Variants in RBM19 observed in about 807,000 individuals in gnomAD.
RBM19 encodes the protein RNA binding motif protein 19.
In RBM19, 94 loss-of-function variants were observed where a neutral mutation model predicts 116.8. That is an observed-to-expected ratio of 0.80 (90% confidence interval 0.68 to 0.95). RBM19 has a LOEUF of 0.95. RBM19 is among the 40% of genes least tolerant of loss of function. The pLI, the probability that RBM19 is intolerant of heterozygous loss-of-function variation, is 0.00. For synonymous variants in RBM19, 475 were observed against 494.1 expected (o/e 0.96, Z 0.51); for missense variants, 1,161 against 1,220.7 (o/e 0.95, Z 0.73).
intron 21 of RBM19, among the ~76,000 whole-genome samples, chr12:113,871,785 G>C (rs1170615107): frequency 6.6e-6 from 1 of 152,122 alleles, no homozygotes; most frequent in Non-Finnish European, 1.5e-5. Context: ...GCACTGGTTA[G>C]AAAAGGCACT....
At chr12:113,892,817 T>C (rs1881048612) in intron 21 of RBM19, among the ~76,000 whole-genome samples, 1 of 152,192 alleles carries the variant, frequency 6.6e-6, no homozygotes, top group Non-Finnish European at 1.5e-5. Flanking sequence ...TGTCTTATTT[T>C]GAAGAAATAT....
chr12:113,918,318 C>T (rs2135859651), intron 20 of RBM19, 74 bp downstream of exon 20: 1 of 1,445,312 alleles, frequency 6.9e-7, no homozygotes, highest in Non-Finnish European at 9.7e-7. Flanking sequence ...TGTGAGACAG[C>T]CTCCAGGGTG....
rs1386219011 is a variant in RBM19, at chr12:113,960,122, A to G, written c.276T>C (p.His92=). The change falls in exon 3 of 24, where the codon CAT becomes CAC. Residue 92 remains histidine, a synonymous_variant. Coordinates refer to ENST00000261741, the MANE Select transcript of RBM19 (RefSeq NM_016196.4). ...DPAKPRAWSK[H]AQKPSQPKQP... The stretch of plus-strand genomic sequence containing the variant: ...GCTTGGGCTGGCTTGGTTTCTGGGC[A>G]TGTTTGCTCCAGGCTCTGGGTTTGG... The G allele has an allele frequency of 1.2e-6, 2 of 1,614,060 alleles. No individual in the cohort carries two copies. Among genetic ancestry groups the G allele is most frequent in the Non-Finnish European group, 8.5e-7 (1 of 1,180,042 alleles).
At chr12:113,921,233 A>T (rs753466389) in intron 18 of RBM19, among the ~76,000 whole-genome samples, 1 of 152,230 alleles carries the variant, frequency 6.6e-6, no homozygotes, top group Non-Finnish European at 1.5e-5. Flanking sequence ...AAGTAGCAAG[A>T]GTTCAGATAG....
At chr12:113,929,342 T>C (rs1180710685) in intron 16 of RBM19, among the ~76,000 whole-genome samples, 1 of 152,188 alleles carries the variant, frequency 6.6e-6, no homozygotes, top group Non-Finnish European at 1.5e-5. Context: ...GATAATGCTG[T>C]CTCTTTAACA....
chr12:113,877,153 T>C (rs1593521209), intron 21 of RBM19, among the ~76,000 whole-genome samples: 1 of 152,218 alleles, frequency 6.6e-6, no homozygotes, highest in Admixed American at 6.5e-5. Context: ...TTCTCTAGGG[T>C]GTGGAGGTGA....
At position 113,830,849 on chromosome 12, in the gene RBM19, G is replaced by A. The variant is rs571222554; in HGVS notation, c.2786-7528C>T. Among the ~76,000 whole-genome samples the A allele has an allele frequency of 5.9e-5, 9 of 152,302 alleles. No homozygotes were observed. The East Asian group carries it at 1.5e-3, about 26-fold the overall frequency. ...TTTCTTTTGGCATAGGCCCTGGGTT[G>A]GAAAGCAGAGGCTGAAAGGGAGCAG... On this transcript the variant is annotated intron_variant, in intron 23 of 23. Transcript: ENST00000261741.
chr12:113,922,248 C>A (rs373274403), intron 18 of RBM19, among the ~76,000 whole-genome samples: 1 of 152,166 alleles, frequency 6.6e-6, no homozygotes, highest in African/African-American at 2.4e-5. Context: ...CCCAGCCACA[C>A]GTCGGCCCCT....
rs1349573471 is a variant in RBM19, at chr12:113,903,282, A to C, written c.2558+11687T>G. On this transcript the variant is annotated intron_variant, in intron 21 of 23. Transcript: ENST00000261741. The surrounding 1 kb of genome is among the most constrained non-coding windows in gnomAD (Gnocchi z 5.1). ...ACCCACAGATACAGAATCATAGGAT[A>C]CGTGGCCTTTCGTGTCTGGCTTCTT... is the stretch of plus-strand genomic sequence containing the variant. Among the ~76,000 whole-genome samples, 1 of 152,234 alleles carries C rather than the reference A, an allele frequency of 6.6e-6. No homozygotes were observed. Among genetic ancestry groups the C allele is most frequent in the African/African-American group, 2.4e-5 (1 of 41,468 alleles).
At chr12:113,843,736 T>C (rs1295834256) in intron 23 of RBM19, among the ~76,000 whole-genome samples, 4 of 152,188 alleles carry the variant, frequency 2.6e-5, no homozygotes, top group Admixed American at 2.6e-4. Flanking sequence ...TGCCATACTT[T>C]CCATGTGTCC....
At chr12:113,816,770 G>A (rs2135664595) in exon 25 of RBM19, 1 of 152,220 alleles carries the variant, frequency 6.6e-6, no homozygotes, top group African/African-American at 2.4e-5. Context: ...TAAGACGGCT[G>A]AAAAAAATGA....
intron 22 of RBM19, among the ~76,000 whole-genome samples, chr12:113,852,358 G>T (rs540635815): frequency 6.6e-6 from 1 of 152,352 alleles, no homozygotes; most frequent in African/African-American, 2.4e-5. Flanking sequence ...ATACATGTGT[G>T]CTGGCTGAGC....
At chr12:113,869,361 C>T (rs1329911731) in intron 21 of RBM19, among the ~76,000 whole-genome samples, 1 of 152,216 alleles carries the variant, frequency 6.6e-6, no homozygotes, top group Non-Finnish European at 1.5e-5. Context: ...GCACCTCTGC[C>T]ATCCCTTGGG....
intron 21 of RBM19, among the ~76,000 whole-genome samples, chr12:113,899,724 C>T (rs1355201313): frequency 6.6e-6 from 1 of 152,154 alleles, no homozygotes; most frequent in East Asian, 1.9e-4. Flanking sequence ...CTCCCTTTTC[C>T]GTGGAAAACT....
chr12:113,950,136 A>T lies in RBM19; in HGVS notation c.1019T>A (p.Phe340Tyr). 2.5e-6 allele frequency: 4 copies of T among 1,610,870 alleles called. No individual in the cohort carries two copies. Among genetic ancestry groups the T allele is most frequent in the Non-Finnish European group, 3.4e-6 (4 of 1,177,128 alleles). ...TTGCTTCACTTCCTCTTCATTGCTG[A>T]AATCCACAAAGATGTATCCTGACAG... ...GNKTGYIFVD[F>Y]SNEEEVKQAL... is the part of the protein sequence containing the mutation. The change falls in exon 9 of 24, where the codon TTC becomes TAC. Residue 340 changes from phenylalanine (F) to tyrosine (Y), a missense_variant. Coordinates refer to ENST00000261741, the MANE Select transcript of RBM19 (RefSeq NM_016196.4).
At chr12:113,920,556 C>A in intron 19 of RBM19, 55 bp downstream of exon 19, 1 of 1,494,294 alleles carries the variant, frequency 6.7e-7, no homozygotes, top group East Asian at 2.3e-5. Context: ...CTGACGGGAC[C>A]TCCCACTACC....
intron 23 of RBM19, among the ~76,000 whole-genome samples, chr12:113,830,394 C>T (rs1875275459): frequency 6.6e-6 from 1 of 151,952 alleles, no homozygotes; most frequent in African/African-American, 2.4e-5. Flanking sequence ...GTGCTGAGGA[C>T]CTGGGCTCCC....
At chr12:113,906,591 A>T (rs777698042) in intron 21 of RBM19, among the ~76,000 whole-genome samples, 4 of 151,950 alleles carry the variant, frequency 2.6e-5, no homozygotes, top group Admixed American at 6.6e-5. Context: ...GGATCTGTGC[A>T]CTTTTCTGCA....
chr12:113,895,856 A>G (rs1881284073), intron 21 of RBM19, among the ~76,000 whole-genome samples: 1 of 150,128 alleles, frequency 6.7e-6, no homozygotes, highest in Non-Finnish European at 1.5e-5. Context: ...AATATATACT[A>G]TAGCTATATA....
Sources: allele counts gnomAD v4.1 joint callset (sites outside exome capture counted in the v4.1 genomes callset), GRCh38; gene constraint gnomAD v4.1.1; non-coding constraint Gnocchi (gnomAD v3.1); transcripts MANE v1.5; gene names NCBI Gene and HGNC (gene_info 2026-07-23, HGNC 2026-07-21).